The following POLN variants were observed in gnomAD, a reference collection of about 807,000 sequenced individuals.
POLN encodes DNA polymerase nu.
In POLN, 108 loss-of-function variants were observed where a neutral mutation model predicts 113.5. That is an observed-to-expected ratio of 0.95 (90% CI 0.81 to 1.12). POLN has a LOEUF of 1.12. Ranked by LOEUF, POLN falls within the 50% of genes most tolerant of loss-of-function variation. The probability of loss-of-function intolerance (pLI) is 0.00; values close to 1 mark genes in which losing one functional copy is unlikely to be tolerated. For synonymous variants in POLN, 386 were observed against 391.5 expected, an observed-to-expected ratio of 0.99 and a Z score of 0.17; for missense variants, 1,097 against 1,077.1, an observed-to-expected ratio of 1.02 and a Z score of -0.26.
Position 2,208,052 on chromosome 4 carries a change from G to GT in POLN, c.648dup (p.Gln217ThrfsTer13), listed in dbSNP as rs779553992. Reference sequence around the variant, plus strand: ...ACAGTTATCACCAGGGCTGCTGCCTGTTTGAGCATTTCAATCAGCTGGCTT... The same window carrying GT: ...ACAGTTATCACCAGGGCTGCTGCCTGTTTTGAGCATTTCAATCAGCTGGCTT... On this transcript the variant is annotated frameshift_variant, in exon 5 of 26. Coordinates refer to ENST00000511885, the MANE Select transcript of POLN (RefSeq NM_181808.4). LOFTEE classifies it high-confidence loss of function. 1 of 1,614,196 alleles carries GT rather than the reference G, an allele frequency of 6.2e-7. No individual in the cohort carries two copies. The highest frequency in any genetic ancestry group is 1.7e-5 in the Admixed American group (1 of 60,024).
At chr4:2,078,328 C>T (rs1730324833) in intron 23 of POLN, among the ~76,000 whole-genome samples, 1 of 152,252 alleles carries the variant, frequency 6.6e-6, no homozygotes, top group Admixed American at 6.5e-5. Context: ...AGCCCAACCT[C>T]TCTGGTCTTT....
chr4:2,144,643 G>A (rs763554451), intron 16 of POLN, among the ~76,000 whole-genome samples: 16 of 152,106 alleles, frequency 1.1e-4, no homozygotes, highest in Non-Finnish European at 1.5e-4. Context: ...AAGAATGAAT[G>A]CTACATATTT....
intron 16 of POLN, among the ~76,000 whole-genome samples, chr4:2,133,870 ATACAT>A (rs1182959538): frequency 1.3e-5 from 2 of 152,210 alleles, no homozygotes; most frequent in Non-Finnish European, 2.9e-5. Context: ...AAAAATTTAC[ATACAT>A]TATAGTTCAC....
intron 5 of POLN, among the ~76,000 whole-genome samples, chr4:2,206,220 C>T (rs193238622): frequency 3.3e-4 from 50 of 152,286 alleles, no homozygotes; most frequent in African/African-American, 1.2e-3. Context: ...ACTGGATCCT[C>T]ATCTCTCACC....
chr4:2,238,058 T>A (rs1734830644), intron 2 of POLN, among the ~76,000 whole-genome samples: 1 of 152,128 alleles, frequency 6.6e-6, no homozygotes, highest in South Asian at 2.1e-4. Flanking sequence ...TGGAGAAAAA[T>A]GAGGAGTAGG....
chr4:2,119,292 A>T (rs1731386496), intron 19 of POLN, among the ~76,000 whole-genome samples: 1 of 152,240 alleles, frequency 6.6e-6, no homozygotes, highest in South Asian at 2.1e-4. Context: ...CATTTTATAA[A>T]ACTTTTAGGA....
chr4:2,210,927 A>T (rs933462539), intron 4 of POLN, among the ~76,000 whole-genome samples: 8 of 138,778 alleles, frequency 5.8e-5, no homozygotes, highest in Non-Finnish European at 7.8e-5. Context: ...AAAACATAAT[A>T]AATAAATAAA....
rs1210523984 is a variant in POLN at position 2,207,710 on chromosome 4, T to TA, written c.714+276dup. Among the ~76,000 whole-genome samples, 5 of 152,174 alleles carry TA rather than the reference T, an allele frequency of 3.3e-5. No individual in the cohort carries two copies. The East Asian group carries it at 5.8e-4, about 18-fold the overall frequency. On this transcript the variant is annotated intron_variant, in intron 5 of 25. Coordinates refer to ENST00000511885, the MANE Select transcript of POLN (RefSeq NM_181808.4). ...ACCACTTCGGAATCACTGGAATGGC[T>TA]AAAAAAACAGACAACAACATGTGTT...
rs1474535267 is a variant in POLN at position 2,123,641 on chromosome 4, A to AG, written c.1982+4471_1982+4472insC. ...CCCTGTCTCAAAAAAAAAAAAAAAA[A>AG]AAAAGAAAAAAAAATTCAGCCAGGC... On this transcript the variant is annotated intron_variant, in intron 19 of 25. Transcript: ENST00000511885. 2.7e-5 allele frequency among the ~76,000 whole-genome samples: 4 copies of AG among 150,662 alleles called. 1 individual carries two copies. Among genetic ancestry groups the AG allele is most frequent in the Non-Finnish European group, 5.9e-5 (4 of 67,692 alleles).
chr4:2,094,164 T>C (rs1049963344), intron 20 of POLN, among the ~76,000 whole-genome samples: 4 of 151,820 alleles, frequency 2.6e-5, no homozygotes, highest in African/African-American at 7.3e-5. Flanking sequence ...CTGGCCAACA[T>C]GGTGAAACCC....
intron 7 of POLN, among the ~76,000 whole-genome samples, chr4:2,185,861 G>C (rs1244475851): frequency 1.3e-5 from 2 of 152,162 alleles, no homozygotes; most frequent in African/African-American, 4.8e-5. Context: ...AACTAGGGAA[G>C]TGCAAACACT....
At chr4:2,094,626 C>G (rs1193736056) in intron 20 of POLN, among the ~76,000 whole-genome samples, 1 of 152,166 alleles carries the variant, frequency 6.6e-6, no homozygotes, top group Non-Finnish European at 1.5e-5. Context: ...GAGCACAGGT[C>G]TGCAGAAGTG....
chr4:2,174,161 C>T (rs1356841690), intron 10 of POLN, 142 bp from the exon 11 acceptor site: 2 of 748,346 alleles, frequency 2.7e-6, no homozygotes, highest in Admixed American at 2.1e-5. Context: ...AACCTCTGCA[C>T]AGGATCTGTC....
intron 19 of POLN, among the ~76,000 whole-genome samples, chr4:2,109,596 C>A (rs1040193108): frequency 2.6e-5 from 4 of 151,916 alleles, no homozygotes; most frequent in Non-Finnish European, 5.9e-5. Flanking sequence ...ATTACTATAT[C>A]TTCTTGATGA....
intron 20 of POLN, chr4:2,090,337 C>G: frequency 1.3e-6 from 1 of 787,572 alleles, no homozygotes; most frequent in South Asian, 1.8e-5. Context: ...GGCACAGCAT[C>G]TCCAAGTACT....
chr4:2,237,925 T>A (rs973923884), intron 2 of POLN, among the ~76,000 whole-genome samples: 1 of 152,174 alleles, frequency 6.6e-6, no homozygotes, highest in Non-Finnish European at 1.5e-5. Flanking sequence ...ATTCCAGGGG[T>A]ATCATTCACA....
chr4:2,198,467 A>G (rs1306046907), intron 6 of POLN, 57 bp downstream of exon 6: 1 of 1,423,686 alleles, frequency 7.0e-7, no homozygotes, highest in East Asian at 2.5e-5. Context: ...GCAAGTTTCC[A>G]TTAGTATAAA....
intron 23 of POLN, among the ~76,000 whole-genome samples, chr4:2,078,003 AT>A (rs1331672150): frequency 1.3e-5 from 2 of 152,178 alleles, no homozygotes; most frequent in African/African-American, 4.8e-5. Flanking sequence ...CCTGACTGAG[AT>A]CACTGCACCA....
rs570545166 is a variant in POLN at position 2,201,151 on chromosome 4, T to C, written c.715-2434A>G. On this transcript the variant is annotated intron_variant, in intron 5 of 25. Transcript: ENST00000511885. Reference sequence around the variant, plus strand: ...GCGTGGTGGCACATGCCTGTAGTCCTAGTTACTCAAGAGGCTGAGGCAGGA... The same window carrying C: ...GCGTGGTGGCACATGCCTGTAGTCCCAGTTACTCAAGAGGCTGAGGCAGGA... 2.4e-3 allele frequency among the ~76,000 whole-genome samples: 358 copies of C among 151,128 alleles called. 1 individual carries two copies. The highest frequency in any genetic ancestry group is 8.3e-3 in the African/African-American group (343 of 41,182).
Sources: allele counts gnomAD v4.1 joint callset (sites outside exome capture counted in the v4.1 genomes callset), GRCh38; gene constraint gnomAD v4.1.1; transcripts MANE v1.5; gene names NCBI Gene and HGNC (gene_info 2026-07-23, HGNC 2026-07-21).